The following ZNF563 variants were observed in gnomAD, a reference collection of about 807,000 sequenced individuals.
ZNF563 encodes the protein zinc finger protein 563.
Under a neutral mutation model 48.5 loss-of-function variants are expected in ZNF563, and 39 were observed. That is an observed-to-expected ratio of 0.80 (90% CI 0.62 to 1.05). ZNF563 has a LOEUF of 1.05. ZNF563 is among the 50% of genes least tolerant of loss of function. ZNF563 has a pLI of 0.00. For synonymous variants in ZNF563, 168 were observed against 187.9 expected (o/e 0.89, Z 0.87); for missense variants, 538 against 597.0 (o/e 0.90, Z 1.03).
chr19:12,322,879 T>C (rs1968671328), intron 1 of ZNF563, among the ~76,000 whole-genome samples, 168 bp from the exon 2 acceptor site: 1 of 152,272 alleles, frequency 6.6e-6, no homozygotes, highest in South Asian at 2.1e-4. Flanking sequence ...ACAGCCATTT[T>C]GATGGTAGAA....
At chr19:12,320,221 A>G (rs1237997070) in intron 3 of ZNF563, among the ~76,000 whole-genome samples, 2 of 151,990 alleles carry the variant, frequency 1.3e-5, no homozygotes, top group African/African-American at 4.8e-5. Context: ...CTGGCCAGAT[A>G]TACCTTTTTA....
upstream of ZNF563, among the ~76,000 whole-genome samples, chr19:12,338,539 G>A (rs1006172904): frequency 3.9e-5 from 6 of 152,062 alleles, no homozygotes; most frequent in East Asian, 5.8e-4. Context: ...CACCACACCC[G>A]GCTTGATGGA....
Position 12,322,662 on chromosome 19 carries a change from C to T in ZNF563, c.53G>A (p.Trp18Ter). The T allele has an allele frequency of 6.2e-7, 1 of 1,610,004 alleles. No homozygotes were observed. The highest frequency in any genetic ancestry group is 8.5e-7 in the Non-Finnish European group (1 of 1,177,554). The change falls in exon 2 of 4, where the codon TGG (tryptophan) becomes TAG (stop). Residue 18 changes from tryptophan to a stop codon, truncating the protein, a stop_gained. Coordinates refer to ENST00000293725, the MANE Select transcript of ZNF563 (RefSeq NM_145276.3). LOFTEE classifies it high-confidence loss of function. ...DVAVNFTQEE[W>*]ALLGPSQKNL... ...CTTCTGTGATGGACCCAGCAAAGCCCATTCCTCCTGGGTGAAGTTCACAGC... is the reference window on the plus strand; with the variant it reads ...CTTCTGTGATGGACCCAGCAAAGCCTATTCCTCCTGGGTGAAGTTCACAGC...
At chr19:12,336,148 T>C (rs1969018568), upstream of ZNF563, among the ~76,000 whole-genome samples, 1 of 152,144 alleles carries the variant, frequency 6.6e-6, no homozygotes, top group African/African-American at 2.4e-5. Context: ...ATATATAAGA[T>C]ATTTAATAGG....
At position 12,319,534 on chromosome 19, in the gene ZNF563, G is replaced by C; in HGVS notation, c.491C>G (p.Thr164Ser). The stretch of plus-strand genomic sequence containing the variant: ...CTTACACTCATAGCGTTTCTTTCCA[G>C]TGTGAGGCCTTCCACGCGACTGAAA... ...HSFQSRGRPH[T>S]GKKRYECKEC... Residue 164 changes from threonine to serine, a missense_variant, in exon 4 of 4, where the codon ACT (threonine) becomes AGT (serine). Transcript: ENST00000293725. 6.2e-7 allele frequency: 1 copy of C among 1,614,140 alleles called. No individual in the cohort carries two copies. Among genetic ancestry groups the C allele is most frequent in the Non-Finnish European group, 8.5e-7 (1 of 1,179,988 alleles).
chr19:12,327,359 C>G (rs1968819420), intron 1 of ZNF563, among the ~76,000 whole-genome samples: 1 of 150,528 alleles, frequency 6.6e-6, no homozygotes, highest in African/African-American at 2.4e-5. Flanking sequence ...ACTCGGGAGG[C>G]TGAGGCAGGA....
At chr19:12,338,132 C>CAA (rs1184645789), upstream of ZNF563, among the ~76,000 whole-genome samples, 2 of 152,154 alleles carry the variant, frequency 1.3e-5, no homozygotes, top group East Asian at 3.9e-4. Flanking sequence ...AACAAACAAA[C>CAA]AAAAAACCCT....
chr19:12,347,019 T>C, the ZNF563 span: 5 of 152,190 alleles, frequency 3.3e-5, no homozygotes, highest in African/African-American at 1.2e-4. Context: ...AATGATCCCT[T>C]CCTTTGTGTA....
chr19:12,321,440 T>G, intron 2 of ZNF563, 108 bp from the exon 3 acceptor site: 1 of 681,762 alleles, frequency 1.5e-6, no homozygotes, highest in South Asian at 2.8e-5. Flanking sequence ...AAACTACAGT[T>G]AATTCTGTAC....
chr19:12,320,540 G>A (rs140820965), intron 3 of ZNF563, among the ~76,000 whole-genome samples: 3,336 of 150,336 alleles, frequency 0.022, 56 homozygotes, highest in Non-Finnish European at 0.032. Context: ...TTGCTCTGTC[G>A]CCAGGCTGGA....
At chr19:12,335,205 G>T (rs1181169249), upstream of ZNF563, among the ~76,000 whole-genome samples, 1 of 152,140 alleles carries the variant, frequency 6.6e-6, no homozygotes, top group Non-Finnish European at 1.5e-5. Flanking sequence ...TCTCCACAGA[G>T]GGCAGAGGAA....
rs762871847 is a variant in ZNF563, at chr19:12,322,731, T to TA, written c.4-21dup. On this transcript the variant is annotated intron_variant, in intron 1 of 3. Transcript: ENST00000293725. ...TGCGTCCTGAAACATCCCACATAGA[T>TA]AGAGGAGAAAGGTTGAGTGACAGTA... 6.3e-7 allele frequency: 1 copy of TA among 1,577,754 alleles called. No homozygotes were observed. The highest frequency in any genetic ancestry group is 1.1e-5 in the South Asian group (1 of 88,056).
chr19:12,319,048 A>G lies in ZNF563; in HGVS notation c.977T>C (p.Ile326Thr). 1 of 1,614,086 alleles carries G rather than the reference A, an allele frequency of 6.2e-7. No homozygotes were observed. The highest frequency in any genetic ancestry group is 8.5e-7 in the Non-Finnish European group (1 of 1,180,020). Residue 326 changes from isoleucine (I) to threonine (T), a missense_variant, in exon 4 of 4, where the codon ATA (isoleucine) becomes ACA (threonine). Ile to Thr is a moderately conservative substitution (Grantham distance 89). Coordinates refer to ENST00000293725, the MANE Select transcript of ZNF563 (RefSeq NM_145276.3). ...ATCTCCAGTGTGCCTTTTCATGTGT[A>G]TCTGAAAGCTTCCAAGATGATGAAA... ...KTFHHLGSFQIHMKRHTGDRP... is the reference protein window; with the variant it reads ...KTFHHLGSFQTHMKRHTGDRP...
chr19:12,339,921 A>T, the ZNF563 span, among the ~76,000 whole-genome samples: 3 of 152,240 alleles, frequency 2.0e-5, no homozygotes, highest in African/African-American at 7.2e-5. Context: ...TAATCTTGAA[A>T]GCAGCAAAAA....
the ZNF563 span, among the ~76,000 whole-genome samples, chr19:12,342,802 A>T: frequency 6.6e-6 from 1 of 151,784 alleles, no homozygotes; most frequent in Admixed American, 6.6e-5. Context: ...AAAGGAAAAG[A>T]AAAAGAGAAA....
the ZNF563 span, among the ~76,000 whole-genome samples, chr19:12,344,074 G>A: frequency 6.6e-6 from 1 of 151,788 alleles, no homozygotes; most frequent in Non-Finnish European, 1.5e-5. Context: ...ATGTACTTCA[G>A]CAGCATATTT....
chr19:12,318,562 G>A lies in ZNF563; in HGVS notation c.*32C>T. ...TTTATTCATGATATCAAAGGGAACT[G>A]GAAATATAGAAGGCTTTATAATAGT... On this transcript the variant is annotated 3_prime_UTR_variant, in exon 4 of 4. Coordinates refer to ENST00000293725, the MANE Select transcript of ZNF563 (RefSeq NM_145276.3). 1 of 1,581,734 alleles carries A rather than the reference G, an allele frequency of 6.3e-7. No homozygotes were observed. Among genetic ancestry groups the A allele is most frequent in the Non-Finnish European group, 8.6e-7 (1 of 1,163,798 alleles).
At chr19:12,332,719 CCTGCTGCCTTGGCACT>C (rs1270101690) in intron 1 of ZNF563, among the ~76,000 whole-genome samples, 13 of 152,254 alleles carry the variant, frequency 8.5e-5, no homozygotes, top group African/African-American at 2.2e-4. Flanking sequence ...AGTTAAGCTC[CCTGCTGCCTTGGCACT>C]CTGCTGCCTT....
At chr19:12,319,917 T>A in intron 3 of ZNF563, 84 bp from the exon 4 acceptor site, 1 of 329,582 alleles carries the variant, frequency 3.0e-6, no homozygotes, top group Non-Finnish European at 4.1e-6. Context: ...TTGGATGTAC[T>A]TTTTTTTTTT....
Sources: gnomAD v4.1 joint callset for allele counts (sites outside exome capture counted in the v4.1 genomes callset) on GRCh38, gnomAD v4.1.1 for gene constraint, MANE v1.5 for transcripts, NCBI Gene and HGNC (gene_info 2026-07-23, HGNC 2026-07-21) for gene names.